PVR: variants seen among roughly 807,000 people sequenced by gnomAD.
PVR encodes the protein poliovirus receptor.
Under a neutral mutation model 43.3 loss-of-function variants are expected in PVR, and 39 were observed. That is an observed-to-expected ratio of 0.90 (90% CI 0.70 to 1.18). The LOEUF (loss-of-function observed/expected upper bound fraction) is 1.18, where lower values mean the gene tolerates loss of function less well. Ranked by LOEUF, PVR falls within the 50% of genes most tolerant of loss-of-function variation. The pLI, the probability that PVR is intolerant of heterozygous loss-of-function variation, is 0.00. For missense variants in PVR, 480 were observed against 549.7 expected, an observed-to-expected ratio of 0.87 and a Z score of 1.27; for synonymous variants, 224 against 233.2, an observed-to-expected ratio of 0.96 and a Z score of 0.36.
In PVR at chr19:44,649,813, G is replaced by A; in HGVS notation, c.432G>A (p.Lys144=). The change falls in exon 3 of 8, where the codon AAG becomes AAA. Residue 144 remains lysine (K), a synonymous_variant. Transcript: ENST00000425690. ...SVDIWLRVLA[K]PQNTAEVQKV... ...TGCTTTTGTTCCTCTTCCCAGCCAA[G>A]CCCCAGAACACAGCTGAGGTTCAGA... 1 of 1,613,038 alleles carries A rather than the reference G, an allele frequency of 6.2e-7. No homozygotes were observed. The highest frequency in any genetic ancestry group is 8.5e-7 in the Non-Finnish European group (1 of 1,179,672).
At chr19:44,650,363 C>T (rs966651917) in intron 3 of PVR, among the ~76,000 whole-genome samples, 9 of 152,078 alleles carry the variant, frequency 5.9e-5, no homozygotes, top group African/African-American at 9.7e-5. Context: ...GCTCCTCTAG[C>T]GGCTGTCTGC....
In PVR at chr19:44,649,978, A is replaced by G; in HGVS notation, c.597A>G (p.Thr199=). 1 of 1,608,078 alleles carries G rather than the reference A, an allele frequency of 6.2e-7. No homozygotes were observed. The highest frequency in any genetic ancestry group is 8.5e-7 in the Non-Finnish European group (1 of 1,176,124). ...TSQVPGFLSG[T]VTVTSLWILV... is the part of the protein sequence containing the mutation. ...AGGTGCCAGGGTTCCTGTCTGGCAC[A>G]GTCACTGTCACCAGCCTCTGGATAT... Residue 199 remains threonine (T), a synonymous_variant, in exon 3 of 8, where the codon ACA becomes ACG. Coordinates refer to ENST00000425690, the MANE Select transcript of PVR (RefSeq NM_006505.5).
At chr19:44,651,884 G>A (rs1157750449) in intron 3 of PVR, among the ~76,000 whole-genome samples, 1 of 152,206 alleles carries the variant, frequency 6.6e-6, no homozygotes, top group Admixed American at 6.5e-5. Flanking sequence ...GGCCAGGCAC[G>A]GTGGCTCACG....
intron 4 of PVR, among the ~76,000 whole-genome samples, chr19:44,655,753 C>T (rs1973426515): frequency 6.6e-6 from 1 of 152,078 alleles, no homozygotes; most frequent in African/African-American, 2.4e-5. Context: ...ACGTGGATTC[C>T]CCTGCTAACA....
intron 1 of PVR, 51 bp from the exon 2 acceptor site, chr19:44,647,172 T>A (rs1973144551): frequency 1.6e-6 from 2 of 1,257,280 alleles, no homozygotes; most frequent in Non-Finnish European, 1.0e-6. Flanking sequence ...CCCCTCCCTA[T>A]CTAGTCCAAG....
At chr19:44,654,243 C>T (rs1973372789) in intron 4 of PVR, among the ~76,000 whole-genome samples, 1 of 107,592 alleles carries the variant, frequency 9.3e-6, no homozygotes, top group Non-Finnish European at 1.7e-5. Context: ...GGGCCTGGAC[C>T]CCTGGGTCTG....
rs770326649 is a variant in PVR, at chr19:44,651,043, GT to G, written c.724+945del. 1.6e-4 allele frequency among the ~76,000 whole-genome samples: 25 copies of G among 151,968 alleles called. No homozygotes were observed. The East Asian group carries it at 4.3e-3, about 26-fold the overall frequency. ...GCCACCATGCCCGGCTAATTTTACAGTTTTTTTCTAGAGAGAGTTTTGCTGT... is the reference window on the plus strand; with the variant it reads ...GCCACCATGCCCGGCTAATTTTACAGTTTTTTCTAGAGAGAGTTTTGCTGT... On this transcript the variant is annotated intron_variant, in intron 3 of 7. Coordinates refer to ENST00000425690, the MANE Select transcript of PVR (RefSeq NM_006505.5).
rs1290053343 is a variant in PVR at position 44,660,526 on chromosome 19, GTGTTT to G, written c.1151-758_1151-754del. The stretch of plus-strand genomic sequence containing the variant: ...GAGCAGGCTTTTTGTTTGTTTGTTT[GTGTTT>G]TGTTTTGAGACAAGATCTTGCTCTG... On this transcript the variant is annotated intron_variant, in intron 6 of 7. Coordinates refer to ENST00000425690, the MANE Select transcript of PVR (RefSeq NM_006505.5). 1.3e-4 allele frequency among the ~76,000 whole-genome samples: 19 copies of G among 151,638 alleles called. No homozygotes were observed. The East Asian group carries it at 3.5e-3, about 28-fold the overall frequency.
intron 1 of PVR, among the ~76,000 whole-genome samples, chr19:44,645,352 AT>A (rs986853141): frequency 8.1e-6 from 1 of 123,262 alleles, no homozygotes; most frequent in African/African-American, 3.2e-5. Context: ...AATAATATAT[AT>A]TTTATTATAC....
In PVR at chr19:44,657,751, G is replaced by A. The variant is rs140614065; in HGVS notation, c.843-11G>A. 505 of 1,613,862 alleles carry A rather than the reference G, an allele frequency of 3.1e-4. 2 individuals carry two copies. The African/African-American group carries it at 6.0e-3, about 19-fold the overall frequency. Reference sequence around the variant, plus strand: ...GCAGAGGCCACCTCCTCACCTTTCTGTCTCTCCCAGGACCATGGGTCCCCT... The same window carrying A: ...GCAGAGGCCACCTCCTCACCTTTCTATCTCTCCCAGGACCATGGGTCCCCT... On this transcript the variant is annotated splice_polypyrimidine_tract_variant and intron_variant, in intron 4 of 7. Transcript: ENST00000425690.
Position 44,661,931 on chromosome 19 carries a change from C to A in PVR, c.*120C>A. ...AAGAGACCAGCCTCCCTCCCTGTGCCAGACCTCAAAACGACGGGGGCAGGT... is the reference window on the plus strand; with the variant it reads ...AAGAGACCAGCCTCCCTCCCTGTGCAAGACCTCAAAACGACGGGGGCAGGT... On this transcript the variant is annotated 3_prime_UTR_variant, in exon 8 of 8. Coordinates refer to ENST00000425690, the MANE Select transcript of PVR (RefSeq NM_006505.5). The A allele has an allele frequency of 2.1e-6, 2 of 945,828 alleles. No individual in the cohort carries two copies. Among genetic ancestry groups the A allele is most frequent in the South Asian group, 1.4e-5 (1 of 71,204 alleles). 58.6% of individuals were successfully genotyped at this position (945,828 alleles called of 1,614,324 possible). A position where few individuals can be genotyped will look rare whatever the true frequency, so the allele number is the denominator to read the frequency against.
Position 44,661,815 on chromosome 19 carries a change from C to T in PVR, c.*4C>T, listed in dbSNP as rs754297407. On this transcript the variant is annotated 3_prime_UTR_variant, in exon 8 of 8. Coordinates refer to ENST00000425690, the MANE Select transcript of PVR (RefSeq NM_006505.5). ...ACAGACAGAGGGCACAAGGTGACAG[C>T]GTCGGGACTGAGAGGGGAGAGAGAC... 76 of 1,613,514 alleles carry T rather than the reference C, an allele frequency of 4.7e-5. 1 individual carries two copies. In the South Asian group the frequency reaches 5.6e-4, roughly 12 times the overall value.
At chr19:44,645,550 A>G (rs1473810885) in intron 1 of PVR, among the ~76,000 whole-genome samples, 1 of 149,172 alleles carries the variant, frequency 6.7e-6, no homozygotes, top group Non-Finnish European at 1.5e-5. Context: ...TGCAAACTCG[A>G]CTTCCCAGGC....
intron 4 of PVR, among the ~76,000 whole-genome samples, chr19:44,655,551 T>C (rs1973420376): frequency 6.6e-6 from 1 of 152,226 alleles, no homozygotes; most frequent in Non-Finnish European, 1.5e-5. Flanking sequence ...GTCTTTTTTC[T>C]CTCTGTTTCT....
chr19:44,663,452 A>C lies in PVR; in HGVS notation c.*1641A>C, dbSNP rs1382193881. ...GCAGGATGGCAGGGGCAAAGGGCTC[A>C]AGGGTGAGGAGGCCAGTGGGACCCC... On this transcript the variant is annotated 3_prime_UTR_variant, in exon 8 of 8. Coordinates refer to ENST00000425690, the MANE Select transcript of PVR (RefSeq NM_006505.5). 6.6e-6 allele frequency: 1 copy of C among 152,316 alleles called. No individual in the cohort carries two copies. Among genetic ancestry groups the C allele is most frequent in the African/African-American group, 2.4e-5 (1 of 41,436 alleles). 9.4% of individuals were successfully genotyped at this position (152,316 alleles called of 1,614,324 possible).
rs1414480838 is a variant in PVR at position 44,657,685 on chromosome 19, G to A, written c.843-77G>A. 2.0e-6 allele frequency: 3 copies of A among 1,493,830 alleles called. No homozygotes were observed. The African/African-American group carries it at 4.2e-5, about 21-fold the overall frequency. 92.5% of individuals were successfully genotyped at this position (1,493,830 alleles called of 1,614,324 possible). On this transcript the variant is annotated intron_variant, in intron 4 of 7. Transcript: ENST00000425690. ...CTATAGAGGGCGTGAGGGTTTCTGG[G>A]CACGTAGTGCGTGCTCAATCACTGT...
intron 3 of PVR, among the ~76,000 whole-genome samples, chr19:44,653,256 C>A (rs890180777): frequency 2.6e-5 from 4 of 152,184 alleles, no homozygotes; most frequent in African/African-American, 9.7e-5. Flanking sequence ...ACAAGCTCTT[C>A]TAGACATCAT....
chr19:44,657,927 G>A lies in PVR; in HGVS notation c.991+17G>A. 3 of 1,612,022 alleles carry A rather than the reference G, an allele frequency of 1.9e-6. No homozygotes were observed. Among genetic ancestry groups the A allele is most frequent in the Non-Finnish European group, 1.7e-6 (2 of 1,179,132 alleles). ...AGGTCAAAGGTGAGGAACTCCCTGG[G>A]TGGGAAGAACAGGGACCAAAGGAAG... is the stretch of plus-strand genomic sequence containing the variant. On this transcript the variant is annotated intron_variant, in intron 5 of 7. Coordinates refer to ENST00000425690, the MANE Select transcript of PVR (RefSeq NM_006505.5).
At chr19:44,647,836 G>A (rs1358237826) in intron 2 of PVR, among the ~76,000 whole-genome samples, 1 of 151,976 alleles carries the variant, frequency 6.6e-6, no homozygotes, top group Non-Finnish European at 1.5e-5. Flanking sequence ...TGAGGGAGGA[G>A]GAGGGGTATA....
Sources: gnomAD v4.1 joint callset for allele counts (sites outside exome capture counted in the v4.1 genomes callset) on GRCh38, gnomAD v4.1.1 for gene constraint, MANE v1.5 for transcripts, NCBI Gene and HGNC (gene_info 2026-07-23, HGNC 2026-07-21) for gene names.